Variants in OSBPL7 observed in about 807,000 individuals in gnomAD.
The protein encoded by OSBPL7 is oxysterol-binding protein-related protein 7.
Under a neutral mutation model 115.8 loss-of-function variants are expected in OSBPL7, and 66 were observed. The observed-to-expected ratio is 0.57, with a 90% confidence interval of 0.47 to 0.70. The LOEUF is 0.70. OSBPL7 is among the 30% of genes least tolerant of loss of function. The pLI is 0.00. For missense variants in OSBPL7, 902 were observed against 1,125.5 expected (o/e 0.80, Z 2.84); for synonymous variants, 441 against 439.2 (o/e 1.00, Z -0.05).
intron 12 of OSBPL7, chr17:47,815,635 C>T (rs1275999630): frequency 4.4e-6 from 2 of 449,678 alleles, no homozygotes; most frequent in Non-Finnish European, 8.0e-6. Flanking sequence ...TGTGCACTAA[C>T]CCATTCAATC....
intron 1 of OSBPL7, 93 bp downstream of exon 1, chr17:47,821,573 C>T (rs186054611): frequency 1.2e-4 from 18 of 152,328 alleles, no homozygotes; most frequent in African/African-American, 4.1e-4. Context: ...GTGGGTGCCC[C>T]CTCTCCACCT....
At chr17:47,812,408 C>A (rs758993198) in intron 16 of OSBPL7, among the ~76,000 whole-genome samples, 1 of 152,216 alleles carries the variant, frequency 6.6e-6, no homozygotes, top group East Asian at 1.9e-4. Context: ...TTAGTGCCAC[C>A]TGGTGCTCTT....
rs186951561 is a variant in OSBPL7, at chr17:47,816,437, C to T, written c.974G>A (p.Arg325Gln). Residue 325 changes from arginine to glutamine, a missense_variant, in exon 11 of 23, where the codon CGG becomes CAG. Arg to Gln is a conservative substitution (Grantham distance 43, BLOSUM62 1). Around this residue, in one of 3 missense-constraint regions of OSBPL7, gnomAD observed 667 missense variants for 788.7 expected, o/e 0.85. Transcript: ENST00000007414. This position sits in a 1 kb window ranked among gnomAD's most constrained non-coding sequence, Gnocchi z 5.8. ...CTGGTGCATGTCCCTCAGTTGGTCC[C>T]GTTCCATGGTGAGGGCGGCCAGGAC... ...SSVLAALTMERDQLRDMHQGS... is the reference protein window; with the variant it reads ...SSVLAALTMEQDQLRDMHQGS... The T allele has an allele frequency of 3.3e-5, 51 of 1,545,036 alleles. No homozygotes were observed. The Admixed American group carries it at 7.3e-4, about 22-fold the overall frequency.
chr17:47,819,351 C>T, intron 4 of OSBPL7: 1 of 567,298 alleles, frequency 1.8e-6, no homozygotes, highest in Non-Finnish European at 3.2e-6. Context: ...CAGGGGTCTG[C>T]AGGGTTGTGG....
chr17:47,818,153 G>A, intron 7 of OSBPL7, 116 bp downstream of exon 7: 1 of 870,948 alleles, frequency 1.1e-6, no homozygotes, highest in Non-Finnish European at 1.8e-6. Flanking sequence ...CTTGGAGGCA[G>A]AGGCTGTCTC....
At position 47,816,288 on chromosome 17, in the gene OSBPL7, A is replaced by T; in HGVS notation, c.1024-86T>A. ...ATCTCTGCAGAGACTGCCTCTGCCA[A>T]CCCCCCACCCTGACCCAGATCTGCT... On this transcript the variant is annotated intron_variant, in intron 11 of 22. Coordinates refer to ENST00000007414, the MANE Select transcript of OSBPL7 (RefSeq NM_145798.3). This position sits in a 1 kb window ranked among gnomAD's most constrained non-coding sequence, Gnocchi z 5.8. The T allele has an allele frequency of 6.7e-7, 1 of 1,493,026 alleles. No homozygotes were observed. The highest frequency in any genetic ancestry group is 2.5e-5 in the East Asian group (1 of 40,358). 92.5% of individuals were successfully genotyped at this position (1,493,026 alleles called of 1,614,324 possible). A position where few individuals can be genotyped will look rare whatever the true frequency, so the allele number is the denominator to read the frequency against.
chr17:47,815,987 A>C (rs974961333), intron 12 of OSBPL7, 120 bp downstream of exon 12: 8 of 754,554 alleles, frequency 1.1e-5, no homozygotes, highest in Non-Finnish European at 1.7e-5. Flanking sequence ...CAATGGAGCC[A>C]GGATTTTTGG....
Position 47,808,666 on chromosome 17 carries a change from G to A in OSBPL7, c.2298-6C>T. 6.2e-7 allele frequency: 1 copy of A among 1,614,096 alleles called. No homozygotes were observed. The highest frequency in any genetic ancestry group is 8.5e-7 in the Non-Finnish European group (1 of 1,179,990). On this transcript the variant is annotated splice_region_variant and splice_polypyrimidine_tract_variant and intron_variant, in intron 21 of 22. Coordinates refer to ENST00000007414, the MANE Select transcript of OSBPL7 (RefSeq NM_145798.3). The surrounding 1 kb of genome is among the most constrained non-coding windows in gnomAD (Gnocchi z 6.1). Reference sequence around the variant, plus strand: ...TGTTCCCCTCCTCCAGGTACCTGAGGATCCAGATCAAACTCAGGGGAACTG... The same window carrying A: ...TGTTCCCCTCCTCCAGGTACCTGAGAATCCAGATCAAACTCAGGGGAACTG...
At chr17:47,818,469 G>T (rs998954257) in intron 6 of OSBPL7, 37 bp downstream of exon 6, 4 of 1,586,488 alleles carry the variant, frequency 2.5e-6, no homozygotes, top group Non-Finnish European at 3.4e-6. Context: ...CCCCTGAATT[G>T]CCACATTACC....
intron 4 of OSBPL7, 31 bp downstream of exon 4, chr17:47,819,698 C>T: frequency 6.2e-7 from 1 of 1,613,910 alleles, no homozygotes; most frequent in Non-Finnish European, 8.5e-7. Context: ...CCAGACTCCT[C>T]CCACAACCCC....
At chr17:47,819,152 G>A (rs990796762) in intron 4 of OSBPL7, 53 bp from the exon 5 acceptor site, 13 of 1,463,532 alleles carry the variant, frequency 8.9e-6, no homozygotes, top group Admixed American at 1.7e-5. Context: ...GGCTCTCAGA[G>A]CCATAGAGCC....
intron 13 of OSBPL7, chr17:47,815,002 G>T: frequency 1.6e-6 from 1 of 643,692 alleles, no homozygotes; most frequent in Non-Finnish European, 2.6e-6. Context: ...GAACCCAATG[G>T]GGATACAAAT....
intron 4 of OSBPL7, chr17:47,819,475 T>A: frequency 1.7e-6 from 1 of 591,308 alleles, no homozygotes; most frequent in South Asian, 2.0e-5. Context: ...TGGGCACTTA[T>A]TCTGCCCTGT....
At chr17:47,813,556 TG>T in intron 15 of OSBPL7, 30 bp downstream of exon 15, 1 of 1,598,468 alleles carries the variant, frequency 6.3e-7, no homozygotes, top group Non-Finnish European at 8.5e-7. Flanking sequence ...GAAGCAGCCT[TG>T]GGCTGGGCGT....
rs773479937 is a variant in OSBPL7, at chr17:47,808,471, C to T, written c.2420+67G>A. On this transcript the variant is annotated intron_variant, in intron 22 of 22. Coordinates refer to ENST00000007414, the MANE Select transcript of OSBPL7 (RefSeq NM_145798.3). This position sits in a 1 kb window ranked among gnomAD's most constrained non-coding sequence, Gnocchi z 6.1. Reference sequence around the variant, plus strand: ...AGGCTAGGGTCCTAAGGTGCTGCCTCCCACACCTGCCCTGCTCCAAGCAGG... The same window carrying T: ...AGGCTAGGGTCCTAAGGTGCTGCCTTCCACACCTGCCCTGCTCCAAGCAGG... 5 of 1,613,742 alleles carry T rather than the reference C, an allele frequency of 3.1e-6. No homozygotes were observed. Among genetic ancestry groups the T allele is most frequent in the Non-Finnish European group, 4.2e-6 (5 of 1,179,778 alleles).
At chr17:47,811,732 C>T (rs2033048684) in intron 16 of OSBPL7, among the ~76,000 whole-genome samples, 1 of 152,226 alleles carries the variant, frequency 6.6e-6, no homozygotes, top group Non-Finnish European at 1.5e-5. Context: ...AGTCAGCCTG[C>T]TCCCACTGAT....
In OSBPL7 at chr17:47,808,320, C is replaced by G. The variant is rs746315657; in HGVS notation, c.2500G>C (p.Gly834Arg). The change falls in exon 23 of 23, where the codon GGG (glycine) becomes CGG (arginine). Residue 834 changes from glycine (G) to arginine (R), a missense_variant. By Grantham distance (125) the Gly-to-Arg change is moderately radical. Around this residue, in one of 3 missense-constraint regions of OSBPL7, gnomAD observed 230 missense variants for 312.7 expected, o/e 0.74. Transcript: ENST00000007414. The surrounding 1 kb of genome is among the most constrained non-coding windows in gnomAD (Gnocchi z 6.1). The part of the protein sequence containing the change: ...YWRLRAEPGY[G>R]NMDGAVLW ...CAGAGCACGGCCCCATCCATGTTCC[C>G]ATAGCCTGGCTCGGCCCGCAGCCTC... is the stretch of plus-strand genomic sequence containing the variant. The G allele has an allele frequency of 3.1e-6, 5 of 1,613,788 alleles. No homozygotes were observed. The highest frequency in any genetic ancestry group is 3.3e-5 in the Admixed American group (2 of 60,008).
At chr17:47,821,281 T>C (rs2033387449) in intron 1 of OSBPL7, among the ~76,000 whole-genome samples, 1 of 151,906 alleles carries the variant, frequency 6.6e-6, no homozygotes, top group African/African-American at 2.4e-5. Context: ...GCAGCCCAGA[T>C]CTTCTAATGG....
In OSBPL7 at chr17:47,808,423, T is replaced by C. The variant is rs897731870; in HGVS notation, c.2421-24A>G. 29 of 1,613,888 alleles carry C rather than the reference T, an allele frequency of 1.8e-5. No homozygotes were observed. The highest frequency in any genetic ancestry group is 2.5e-5 in the Non-Finnish European group (29 of 1,179,818). On this transcript the variant is annotated intron_variant, in intron 22 of 22. Transcript: ENST00000007414. This position sits in a 1 kb window ranked among gnomAD's most constrained non-coding sequence, Gnocchi z 6.1. ...GCCTGGTGGGAGAAGGCGGTGGCAGTGAGGGGTGAACATCTAGAAGGCAGG... is the reference window on the plus strand; with the variant it reads ...GCCTGGTGGGAGAAGGCGGTGGCAGCGAGGGGTGAACATCTAGAAGGCAGG...
Sources: allele counts gnomAD v4.1 joint callset (sites outside exome capture counted in the v4.1 genomes callset), GRCh38; gene constraint gnomAD v4.1.1; regional missense constraint gnomAD v4.1.1; non-coding constraint Gnocchi (gnomAD v3.1); transcripts MANE v1.5; gene names NCBI Gene and HGNC (gene_info 2026-07-23, HGNC 2026-07-21).